The following CACNA2D3 variants were observed in gnomAD, a reference collection of about 807,000 sequenced individuals.
CACNA2D3 encodes the protein voltage-dependent calcium channel subunit alpha-2/delta-3.
In CACNA2D3, 60 loss-of-function variants were observed where a neutral mutation model predicts 160.6. The observed-to-expected ratio is 0.37, with a 90% CI of 0.30 to 0.46. The LOEUF is 0.46. Among genes scored for constraint, CACNA2D3 ranks in the 20% least tolerant of loss-of-function variants. The pLI is 1.00. For synonymous variants in CACNA2D3, 558 were observed against 492.9 expected (o/e 1.13, Z -1.75); for missense variants, 1,205 against 1,365.0 (o/e 0.88, Z 1.85).
At chr3:55,073,407 A>G (rs767786775) in intron 35 of CACNA2D3, 38 bp from the exon 36 acceptor site, 3 of 1,478,678 alleles carry the variant, frequency 2.0e-6, no homozygotes, top group Non-Finnish European at 2.8e-6. Flanking sequence ...TAATTGACGG[A>G]TGGTAAATGA....
intron 20 of CACNA2D3, among the ~76,000 whole-genome samples, chr3:54,880,121 C>G (rs1008102861): frequency 6.6e-6 from 1 of 152,126 alleles, no homozygotes; most frequent in Non-Finnish European, 1.5e-5. Context: ...CCTAAACTGC[C>G]AAGGATCATG....
chr3:54,290,474 G>C (rs1026493920), intron 2 of CACNA2D3, among the ~76,000 whole-genome samples: 12 of 152,050 alleles, frequency 7.9e-5, no homozygotes, highest in African/African-American at 2.9e-4. Flanking sequence ...CTGTAAACTA[G>C]TTCAACCATT....
intron 3 of CACNA2D3, 116 bp downstream of exon 3, chr3:54,320,674 A>T (rs1455740029): frequency 3.7e-6 from 2 of 546,960 alleles, no homozygotes; most frequent in Non-Finnish European, 6.4e-6. Context: ...TCTATTACGT[A>T]AATACTTTTA....
At chr3:54,934,870 T>C (rs1404897970) in intron 27 of CACNA2D3, among the ~76,000 whole-genome samples, 1 of 152,182 alleles carries the variant, frequency 6.6e-6, no homozygotes, top group Non-Finnish European at 1.5e-5. Flanking sequence ...TAGCTGGGAT[T>C]ACAGGCACAC....
intron 18 of CACNA2D3, among the ~76,000 whole-genome samples, chr3:54,878,003 G>A (rs1215819001): frequency 2.0e-5 from 3 of 152,168 alleles, no homozygotes; most frequent in Non-Finnish European, 4.4e-5. Context: ...AAAATATCTA[G>A]AGTAAAATAT....
In CACNA2D3 at chr3:54,346,123, G is replaced by A. The variant is rs915680607; in HGVS notation, c.321+25565G>A. On this transcript the variant is annotated intron_variant, in intron 3 of 37. Coordinates refer to ENST00000474759, the MANE Select transcript of CACNA2D3 (RefSeq NM_018398.3). ...AGATGTTTGATGACCCTGCCTTGAA[G>A]TTGGGGTGTTGTTAGTTCAGGCCTG... 5.3e-5 allele frequency among the ~76,000 whole-genome samples: 8 copies of A among 152,304 alleles called. No individual in the cohort carries two copies. In the East Asian group the frequency reaches 1.5e-3, roughly 29 times the overall value.
intron 17 of CACNA2D3, among the ~76,000 whole-genome samples, chr3:54,863,800 A>G (rs762167918): frequency 4.6e-5 from 7 of 152,128 alleles, no homozygotes; most frequent in Non-Finnish European, 1.0e-4. Flanking sequence ...AGCACATACA[A>G]CTTTTCATCT....
intron 13 of CACNA2D3, among the ~76,000 whole-genome samples, chr3:54,778,527 AG>A (rs2107125151): frequency 6.6e-6 from 1 of 152,194 alleles, no homozygotes; most frequent in East Asian, 1.9e-4. Flanking sequence ...TCCAGTCTAG[AG>A]TGGGGCATTG....
At chr3:54,833,493 G>A (rs1051965269) in intron 14 of CACNA2D3, among the ~76,000 whole-genome samples, 6 of 152,030 alleles carry the variant, frequency 3.9e-5, no homozygotes, top group Admixed American at 6.6e-5. Context: ...CTACAGGTTG[G>A]GGGGCCACAG....
At chr3:54,987,461 C>T (rs1050973206) in intron 30 of CACNA2D3, among the ~76,000 whole-genome samples, 1 of 152,100 alleles carries the variant, frequency 6.6e-6, no homozygotes, top group African/African-American at 2.4e-5. Flanking sequence ...GCATGGGTTA[C>T]GCAGCCCCCT....
chr3:54,904,646 A>G (rs1174980017), intron 27 of CACNA2D3, among the ~76,000 whole-genome samples: 1 of 152,196 alleles, frequency 6.6e-6, no homozygotes, highest in Non-Finnish European at 1.5e-5. Flanking sequence ...AAGGGCAAAG[A>G]CCCAATTATC....
chr3:54,186,667 G>T (rs747787450), intron 2 of CACNA2D3, among the ~76,000 whole-genome samples: 5 of 151,956 alleles, frequency 3.3e-5, no homozygotes, highest in Admixed American at 6.6e-5. Context: ...TAATAGAACT[G>T]CATTTTTTAA....
At chr3:54,876,755 G>A (rs1482079072) in intron 18 of CACNA2D3, among the ~76,000 whole-genome samples, 1 of 152,124 alleles carries the variant, frequency 6.6e-6, no homozygotes, top group East Asian at 1.9e-4. Context: ...AAGTTTGAGG[G>A]GTTTAAAATC....
intron 27 of CACNA2D3, among the ~76,000 whole-genome samples, chr3:54,951,844 G>T (rs1370413445): frequency 2.6e-5 from 4 of 152,150 alleles, no homozygotes; most frequent in Non-Finnish European, 5.9e-5. Flanking sequence ...GACCAGCCAT[G>T]CTTGTTATTT....
intron 13 of CACNA2D3, among the ~76,000 whole-genome samples, chr3:54,795,348 CTG>C (rs1702846441): frequency 6.6e-6 from 1 of 151,940 alleles, no homozygotes; most frequent in African/African-American, 2.4e-5. Context: ...AATTTAAAGT[CTG>C]TGTTTGTGAA....
intron 14 of CACNA2D3, among the ~76,000 whole-genome samples, chr3:54,832,056 C>T (rs907691596): frequency 6.8e-6 from 1 of 146,244 alleles, no homozygotes; most frequent in Non-Finnish European, 1.5e-5. Context: ...CACACACACA[C>T]GTCTCTCCTC....
chr3:54,382,039 G>A (rs1699112126), intron 3 of CACNA2D3, among the ~76,000 whole-genome samples: 1 of 152,158 alleles, frequency 6.6e-6, no homozygotes, highest in Non-Finnish European at 1.5e-5. Flanking sequence ...GGACAAAACT[G>A]CTGTTTTCTC....
Position 54,412,151 on chromosome 3 carries a change from G to A in CACNA2D3, c.381+25377G>A, listed in dbSNP as rs184408281. ...TTATTGATCATAATGTCTGATATTC[G>A]TCCACAGTGTTGGATGAATTCTTTC... On this transcript the variant is annotated intron_variant, in intron 4 of 37. Coordinates refer to ENST00000474759, the MANE Select transcript of CACNA2D3 (RefSeq NM_018398.3). Among the ~76,000 whole-genome samples, 116 of 152,134 alleles carry A rather than the reference G, an allele frequency of 7.6e-4. 1 individual carries two copies. Among genetic ancestry groups the A allele is most frequent in the Middle Eastern group, 3.4e-3 (1 of 292 alleles).
At chr3:54,406,701 A>T (rs1699583148) in intron 4 of CACNA2D3, among the ~76,000 whole-genome samples, 1 of 152,174 alleles carries the variant, frequency 6.6e-6, no homozygotes, top group Non-Finnish European at 1.5e-5. Context: ...GTCAAAGAAT[A>T]CAAAATAGCA....
Sources: gnomAD v4.1 joint callset for allele counts (sites outside exome capture counted in the v4.1 genomes callset) on GRCh38, gnomAD v4.1.1 for gene constraint, MANE v1.5 for transcripts, NCBI Gene and HGNC (gene_info 2026-07-23, HGNC 2026-07-21) for gene names.